TNRC18: variants seen among roughly 807,000 people sequenced by gnomAD.
TNRC18 encodes the protein trinucleotide repeat containing 18, also known as trinucleotide repeat-containing gene 18 protein.
A neutral mutation model predicts 226.7 loss-of-function variants in TNRC18; 69 were observed. The observed-to-expected ratio is 0.30, with a 90% CI of 0.25 to 0.37. The LOEUF (loss-of-function observed/expected upper bound fraction) is 0.37, where lower values mean the gene tolerates loss of function less well. TNRC18 is among the 10% of genes least tolerant of loss of function. The pLI is 1.00. For synonymous variants in TNRC18, 2,449 were observed against 1,927.6 expected, an observed-to-expected ratio of 1.27 and a Z score of -7.09; for missense variants, 4,754 against 4,256.6, an observed-to-expected ratio of 1.12 and a Z score of -3.25.
chr7:5,395,771 C>G (rs573508955), intron 2 of TNRC18, among the ~76,000 whole-genome samples: 1 of 152,324 alleles, frequency 6.6e-6, no homozygotes, highest in South Asian at 2.1e-4. Context: ...GCAGGCGAAT[C>G]ACAAGGTCAG....
chr7:5,398,535 T>C (rs560435765), intron 2 of TNRC18, among the ~76,000 whole-genome samples: 54 of 152,096 alleles, frequency 3.6e-4, no homozygotes, highest in African/African-American at 1.0e-3. Context: ...CCCAGGCTGG[T>C]CTCAAACTGC....
chr7:5,345,517 G>GGCCCCCCCCCCCCCCCCCCCCC lies in TNRC18; in HGVS notation c.5719+44_5719+45insGGGGGGGGGGGGGGGGGGGGGC. On this transcript the variant is annotated intron_variant, in intron 18 of 29. Coordinates refer to ENST00000430969, the MANE Select transcript of TNRC18 (RefSeq NM_001080495.3). ...CCTGTGGGATGGGGCAATGGCGTCC[G>GGCCCCCCCCCCCCCCCCCCCCC]CCCCTCCCACCCACCCCCACCGCAG... 8 of 377,740 alleles carry GGCCCCCCCCCCCCCCCCCCCCC rather than the reference G, an allele frequency of 2.1e-5. 1 individual carries two copies. The highest frequency in any genetic ancestry group is 4.6e-5 in the East Asian group (1 of 21,900). 23.4% of individuals were successfully genotyped at this position (377,740 alleles called of 1,614,324 possible).
At chr7:5,406,402 C>A (rs1781465371) in intron 2 of TNRC18, among the ~76,000 whole-genome samples, 1 of 152,084 alleles carries the variant, frequency 6.6e-6, no homozygotes, top group African/African-American at 2.4e-5. Flanking sequence ...GCGGAGGTTG[C>A]AGTGAGCCGA....
At chr7:5,389,407 G>A in intron 4 of TNRC18, 71 bp from the exon 5 acceptor site, 1 of 1,214,734 alleles carries the variant, frequency 8.2e-7, no homozygotes, top group Non-Finnish European at 1.0e-6. Context: ...GGCGGAGGCG[G>A]ACCCCTGAGA....
At chr7:5,396,439 T>C (rs1031671503) in intron 2 of TNRC18, among the ~76,000 whole-genome samples, 2 of 151,462 alleles carry the variant, frequency 1.3e-5, no homozygotes, top group African/African-American at 2.4e-5. Context: ...AGAGGATGGG[T>C]TGAGCCCAGG....
In TNRC18 at chr7:5,377,615, A is replaced by T; in HGVS notation, c.2256-39T>A. 1 of 1,533,934 alleles carries T rather than the reference A, an allele frequency of 6.5e-7. No individual in the cohort carries two copies. The highest frequency in any genetic ancestry group is 8.8e-7 in the Non-Finnish European group (1 of 1,132,818). On this transcript the variant is annotated intron_variant, in intron 6 of 29. Transcript: ENST00000430969. This position sits in a 1 kb window ranked among gnomAD's most constrained non-coding sequence, Gnocchi z 5.8. ...CATAGGTGTCAGCGACAGCTCGGAC[A>T]GCCCAGGGGACGAGAGGGAGAAGCG...
chr7:5,366,458 G>T (rs897873009), intron 11 of TNRC18, among the ~76,000 whole-genome samples: 8 of 150,262 alleles, frequency 5.3e-5, no homozygotes, highest in African/African-American at 2.0e-4. Flanking sequence ...TGAGTAGCTG[G>T]GACTACAGGT....
At chr7:5,405,294 C>T (rs1246580390) in intron 2 of TNRC18, among the ~76,000 whole-genome samples, 2 of 152,044 alleles carry the variant, frequency 1.3e-5, no homozygotes, top group African/African-American at 4.8e-5. Context: ...CAAGGCTAGG[C>T]ACTGCGGCTC....
At chr7:5,422,498 T>C (rs780883320) in intron 1 of TNRC18, among the ~76,000 whole-genome samples, 1 of 151,770 alleles carries the variant, frequency 6.6e-6, no homozygotes, top group Non-Finnish European at 1.5e-5. Flanking sequence ...TGGGAGGGGG[T>C]CTTGGAGCCC....
intron 27 of TNRC18, among the ~76,000 whole-genome samples, chr7:5,310,833 AACC>A (rs1253785345): frequency 1.3e-5 from 2 of 152,242 alleles, no homozygotes; most frequent in Non-Finnish European, 2.9e-5. Context: ...AGCCTGTCTG[AACC>A]ACCACTTCTC....
intron 17 of TNRC18, among the ~76,000 whole-genome samples, chr7:5,348,806 G>C (rs551335079): frequency 5.3e-5 from 8 of 152,256 alleles, no homozygotes; most frequent in Non-Finnish European, 1.0e-4. Flanking sequence ...GCACACTTGC[G>C]ATCATTCACA....
chr7:5,370,471 C>T lies in TNRC18; in HGVS notation c.4123G>A (p.Glu1375Lys), dbSNP rs1794037363. The T allele has an allele frequency of 3.8e-6, 6 of 1,580,370 alleles. No homozygotes were observed. Among genetic ancestry groups the T allele is most frequent in the African/African-American group, 1.3e-5 (1 of 74,166 alleles). ...AAGCTCTGCTCCAAGACAAGGCTCT[C>T]GGCTGCTTCCAGCTTCTCCAAGGCC... ...AQALEKLEAA[E>K]SLVLEQSFLH... Residue 1375 changes from glutamate to lysine, a missense_variant, in exon 11 of 30, where the codon GAG (glutamate) becomes AAG (lysine). Glu to Lys is a moderately conservative substitution (Grantham distance 56). Coordinates refer to ENST00000430969, the MANE Select transcript of TNRC18 (RefSeq NM_001080495.3).
intron 2 of TNRC18, among the ~76,000 whole-genome samples, chr7:5,398,899 C>T (rs1470886514): frequency 6.6e-6 from 1 of 152,224 alleles, no homozygotes; most frequent in South Asian, 2.1e-4. Flanking sequence ...GCTGGGATTA[C>T]AGGCATGAGC....
At chr7:5,347,494 C>CG (rs1554280437) in intron 17 of TNRC18, among the ~76,000 whole-genome samples, 3 of 104,984 alleles carry the variant, frequency 2.9e-5, no homozygotes, top group Non-Finnish European at 4.2e-5. Context: ...CCACACCCAG[C>CG]CCCCCCGCAA....
intron 3 of TNRC18, among the ~76,000 whole-genome samples, chr7:5,393,610 GAGGAGGA>G (rs1021084759): frequency 2.3e-5 from 3 of 130,534 alleles, no homozygotes; most frequent in South Asian, 2.5e-4. Flanking sequence ...GGACACCTGG[GAGGAGGA>G]AGGAGGAAGG....
At chr7:5,327,396 TGTGTGTGTGTGTG>T (rs1562497341) in intron 19 of TNRC18, among the ~76,000 whole-genome samples, 1 of 147,938 alleles carries the variant, frequency 6.8e-6, no homozygotes, top group African/African-American at 2.4e-5. Context: ...TGTGTGTGTG[TGTGTGTGTGTGTG>T]TGTCTGTGTG....
rs1723899394 is a variant in TNRC18, at chr7:5,324,098, T to C, written c.6442+116A>G. 4 of 1,184,528 alleles carry C rather than the reference T, an allele frequency of 3.4e-6. No individual in the cohort carries two copies. Among genetic ancestry groups the C allele is most frequent in the African/African-American group, 1.5e-5 (1 of 65,088 alleles). The allele number at this position is 1,184,528 out of a possible 1,614,324, so 73.4% of individuals were successfully genotyped here. A position where few individuals can be genotyped will look rare whatever the true frequency, so the allele number is the denominator to read the frequency against. On this transcript the variant is annotated intron_variant, in intron 21 of 29. Coordinates refer to ENST00000430969, the MANE Select transcript of TNRC18 (RefSeq NM_001080495.3). This position sits in a 1 kb window ranked among gnomAD's most constrained non-coding sequence, Gnocchi z 4.8. ...CTCAGCCTCAGGATCTCTGCTCCTG[T>C]GGTTCCCTGCCCCCAGCTAGCCCAG...
chr7:5,311,603 C>T (rs1787216799), intron 27 of TNRC18, among the ~76,000 whole-genome samples: 1 of 152,096 alleles, frequency 6.6e-6, no homozygotes, highest in Non-Finnish European at 1.5e-5. Flanking sequence ...CACTTGAGCC[C>T]AGGGGTTCAA....
chr7:5,310,101 C>T (rs1462241218), intron 27 of TNRC18, among the ~76,000 whole-genome samples: 1 of 152,148 alleles, frequency 6.6e-6, no homozygotes, highest in East Asian at 1.9e-4. Flanking sequence ...GGGGGTCTCA[C>T]TATGTTGCCC....
Sources: gnomAD v4.1 joint callset for allele counts (sites outside exome capture counted in the v4.1 genomes callset) on GRCh38, gnomAD v4.1.1 for gene constraint, Gnocchi (gnomAD v3.1) non-coding constraint, MANE v1.5 for transcripts, NCBI Gene and HGNC (gene_info 2026-07-23, HGNC 2026-07-21) for gene names.